SSH2: variants seen among roughly 807,000 people sequenced by gnomAD.
SSH2 encodes slingshot protein phosphatase 2, also known as protein phosphatase Slingshot homolog 2.
SSH2 carries 37 observed loss-of-function variants against 135.2 expected under a neutral mutation model. The ratio of observed to expected loss-of-function variants is 0.27; its 90% CI spans 0.21 to 0.36. SSH2 has a LOEUF of 0.36. Ranked by LOEUF, SSH2 falls within the 10% of genes least tolerant of loss-of-function variation. The pLI is 1.00. For missense variants in SSH2, 1,408 were observed against 1,765.3 expected (o/e 0.80, Z 3.63); for synonymous variants, 628 against 646.2 (o/e 0.97, Z 0.43).
intron 3 of SSH2, chr17:29,761,375 G>A: frequency 1.9e-6 from 2 of 1,067,716 alleles, no homozygotes; most frequent in Non-Finnish European, 2.3e-6. Flanking sequence ...AGGCGGGCCC[G>A]CCGGGTCGCG....
chr17:29,730,014 G>C (rs2040126331), intron 3 of SSH2, among the ~76,000 whole-genome samples: 1 of 152,056 alleles, frequency 6.6e-6, no homozygotes, highest in African/African-American at 2.4e-5. Context: ...ATAAATTACT[G>C]TAAGTTTAAA....
chr17:29,849,035 G>T, intron 1 of SSH2, 106 bp from the exon 2 acceptor site: 1 of 656,012 alleles, frequency 1.5e-6, no homozygotes, highest in Non-Finnish European at 2.6e-6. Flanking sequence ...GCTCACAGGT[G>T]AGAAGCTGCA....
At chr17:29,690,012 C>CAA (rs946244880) in intron 5 of SSH2, among the ~76,000 whole-genome samples, 1,151 of 26,038 alleles carry the variant, frequency 0.044, 9 homozygotes, top group African/African-American at 0.053. Context: ...AGATCCATCT[C>CAA]AAAAAAAAAA....
chr17:29,853,325 T>A (rs2065600925), intron 1 of SSH2, among the ~76,000 whole-genome samples: 1 of 151,686 alleles, frequency 6.6e-6, no homozygotes, highest in Non-Finnish European at 1.5e-5. Context: ...GACCTTGTGA[T>A]CTGCCCACCT....
intron 6 of SSH2, among the ~76,000 whole-genome samples, chr17:29,678,296 A>C (rs1316444681): frequency 3.3e-5 from 5 of 152,120 alleles, no homozygotes; most frequent in Non-Finnish European, 5.9e-5. Flanking sequence ...GGGTTTCACC[A>C]TGTTGGCCAG....
chr17:29,898,822 A>G (rs1419099476), intron 1 of SSH2, among the ~76,000 whole-genome samples: 1 of 152,194 alleles, frequency 6.6e-6, no homozygotes, highest in African/African-American at 2.4e-5. Context: ...GCAGAGACAC[A>G]ACAAAAAAAG....
intron 15 of SSH2, among the ~76,000 whole-genome samples, chr17:29,635,570 G>A (rs1021406588): frequency 2.0e-5 from 3 of 151,492 alleles, no homozygotes; most frequent in Non-Finnish European, 1.5e-5. Flanking sequence ...ACCACACCTG[G>A]CTAATTTTTT....
chr17:29,924,721 T>C (rs879671932), intron 1 of SSH2, among the ~76,000 whole-genome samples: 1 of 152,182 alleles, frequency 6.6e-6, no homozygotes, highest in Non-Finnish European at 1.5e-5. Context: ...GCAGCACCTG[T>C]AATTTTCCAT....
chr17:29,805,954 G>T (rs1369154126), intron 2 of SSH2, among the ~76,000 whole-genome samples: 1 of 152,100 alleles, frequency 6.6e-6, no homozygotes, highest in African/African-American at 2.4e-5. Flanking sequence ...ATGCTCAGTA[G>T]ATATTAGACA....
intron 1 of SSH2, among the ~76,000 whole-genome samples, chr17:29,869,031 C>T (rs546269364): frequency 4.6e-5 from 7 of 152,198 alleles, no homozygotes; most frequent in African/African-American, 1.7e-4. Context: ...TAGCAATGCC[C>T]CAGAGCCAGA....
chr17:29,762,144 G>C (rs1420347372), intron 3 of SSH2, among the ~76,000 whole-genome samples: 1 of 151,964 alleles, frequency 6.6e-6, no homozygotes, highest in Non-Finnish European at 1.5e-5. Context: ...GCCTCCCAAA[G>C]TGCTGGGATT....
intron 3 of SSH2, among the ~76,000 whole-genome samples, chr17:29,728,708 C>A (rs931826360): frequency 4.6e-5 from 7 of 152,128 alleles, no homozygotes; most frequent in African/African-American, 1.7e-4. Context: ...GACACATAGA[C>A]CAATGGGATA....
chr17:29,808,167 C>T (rs1304286619), intron 2 of SSH2, among the ~76,000 whole-genome samples: 42 of 152,142 alleles, frequency 2.8e-4, no homozygotes. Context: ...TCGCTCTTGT[C>T]ACCCAGGCTG....
At chr17:29,822,391 G>A (rs1468278454) in intron 2 of SSH2, among the ~76,000 whole-genome samples, 1 of 148,532 alleles carries the variant, frequency 6.7e-6, no homozygotes, top group African/African-American at 2.5e-5. Flanking sequence ...AGATGAGGTC[G>A]CACTCCGTCA....
At chr17:29,745,205 G>C (rs1436358305) in intron 3 of SSH2, among the ~76,000 whole-genome samples, 2 of 151,582 alleles carry the variant, frequency 1.3e-5, no homozygotes, top group South Asian at 2.1e-4. Flanking sequence ...TGTCACCTAG[G>C]CTGGAGTGCA....
intron 3 of SSH2, chr17:29,761,336 G>C (rs972573447): frequency 1.8e-6 from 2 of 1,102,722 alleles, no homozygotes; most frequent in Non-Finnish European, 2.2e-6. Context: ...CCGGCACGAG[G>C]CGCAGGCTGC....
At chr17:29,802,742 G>A (rs375658608) in intron 2 of SSH2, among the ~76,000 whole-genome samples, 69 of 152,076 alleles carry the variant, frequency 4.5e-4, no homozygotes, top group Non-Finnish European at 7.6e-4. Flanking sequence ...GGAAGAGTGA[G>A]CAGCTGTGGA....
intron 2 of SSH2, among the ~76,000 whole-genome samples, chr17:29,847,540 C>T: frequency 6.6e-6 from 1 of 152,130 alleles, no homozygotes; most frequent in East Asian, 1.9e-4. Context: ...TTGGAGAGCT[C>T]ATTAGTTTTC....
chr17:29,637,822 G>C (rs2150974013), intron 14 of SSH2, among the ~76,000 whole-genome samples: 1 of 150,474 alleles, frequency 6.6e-6, no homozygotes, highest in South Asian at 2.1e-4. Flanking sequence ...GATATATACA[G>C]ATATTTACTG....
Sources: gnomAD v4.1 joint callset for allele counts (sites outside exome capture counted in the v4.1 genomes callset) on GRCh38, gnomAD v4.1.1 for gene constraint, MANE v1.5 for transcripts, NCBI Gene and HGNC (gene_info 2026-07-23, HGNC 2026-07-21) for gene names.